The following DCAF10 variants were observed in gnomAD, a reference collection of about 807,000 sequenced individuals.
The protein encoded by DCAF10 is DDB1- and CUL4-associated factor 10.
Under a neutral mutation model 51.9 loss-of-function variants are expected in DCAF10, and 19 were observed. The observed-to-expected ratio is 0.37, with a 90% CI of 0.26 to 0.54. The LOEUF is 0.54. DCAF10 is among the 20% of genes least tolerant of loss of function. The pLI is 0.87. For synonymous variants in DCAF10, 291 were observed against 297.1 expected (o/e 0.98, Z 0.21); for missense variants, 510 against 730.6 (o/e 0.70, Z 3.48).
chr9:37,837,242 C>T (rs547508207), intron 2 of DCAF10, among the ~76,000 whole-genome samples: 9 of 152,076 alleles, frequency 5.9e-5, no homozygotes, highest in African/African-American at 4.8e-5. Flanking sequence ...AGGCGGATCA[C>T]GAGGTCAGGA....
intron 3 of DCAF10, among the ~76,000 whole-genome samples, chr9:37,850,870 A>ATG (rs1436996488): frequency 2.2e-4 from 18 of 83,574 alleles, no homozygotes; most frequent in South Asian, 7.8e-4. Context: ...ATATATATAT[A>ATG]TATATATATA....
intron 3 of DCAF10, among the ~76,000 whole-genome samples, chr9:37,848,756 T>C (rs1315492239): frequency 6.6e-6 from 1 of 151,922 alleles, no homozygotes; most frequent in African/African-American, 2.4e-5. Context: ...GTGGATCACC[T>C]GAGGTCAGGA....
chr9:37,812,434 A>G lies in DCAF10; in HGVS notation c.540-6854A>G, dbSNP rs184566102. Among the ~76,000 whole-genome samples the G allele has an allele frequency of 1.4e-3, 209 of 152,296 alleles. 2 individuals carry two copies. The highest frequency in any genetic ancestry group is 1.9e-4 in the Non-Finnish European group (13 of 68,014). On this transcript the variant is annotated intron_variant, in intron 1 of 6. Coordinates refer to ENST00000377724, the MANE Select transcript of DCAF10 (RefSeq NM_024345.5). ...CAAAGGAGGCTCAAAAAGAGAGCTA[A>G]GTTCACTGCAGAAACAATGGAAGTC...
chr9:37,848,741 G>T (rs58736462), intron 3 of DCAF10, among the ~76,000 whole-genome samples: 2,981 of 146,204 alleles, frequency 0.02, 97 homozygotes, highest in African/African-American at 0.073. Context: ...GGAGGCCGAG[G>T]GAGGGTGGAT....
In DCAF10 at chr9:37,854,988, C is replaced by T. The variant is rs1257549743; in HGVS notation, c.1054+6C>T. 3 of 1,589,716 alleles carry T rather than the reference C, an allele frequency of 1.9e-6. No individual in the cohort carries two copies. The highest frequency in any genetic ancestry group is 2.6e-6 in the Non-Finnish European group (3 of 1,172,424). ...AAGAACTACTTCAAGTTCAGGTAAG[C>T]TTTTCTTTTTTGGTCAAAAAGATTT... On this transcript the variant is annotated splice_donor_region_variant and intron_variant, in intron 4 of 6. Coordinates refer to ENST00000377724, the MANE Select transcript of DCAF10 (RefSeq NM_024345.5).
intron 1 of DCAF10, among the ~76,000 whole-genome samples, chr9:37,807,653 CTTTTCTTT>C (rs1035724145): frequency 8.9e-6 from 1 of 111,840 alleles, no homozygotes; most frequent in African/African-American, 3.2e-5. Context: ...ATTTTCTTTT[CTTTTCTTT>C]TTTTTTTTTT....
chr9:37,809,093 G>GAAAA (rs60046914), intron 1 of DCAF10, among the ~76,000 whole-genome samples: 1 of 97,922 alleles, frequency 1.0e-5, no homozygotes, highest in Non-Finnish European at 2.2e-5. Flanking sequence ...CTGTCTCAAA[G>GAAAA]AAAAAAAAAA....
intron 3 of DCAF10, among the ~76,000 whole-genome samples, chr9:37,853,245 G>T (rs1830741676): frequency 6.7e-6 from 1 of 150,314 alleles, no homozygotes; most frequent in African/African-American, 2.5e-5. Context: ...CGGGCATGGT[G>T]GTTCATGCCT....
chr9:37,806,187 C>G (rs1589072660), intron 1 of DCAF10, among the ~76,000 whole-genome samples: 1 of 152,232 alleles, frequency 6.6e-6, no homozygotes, highest in African/African-American at 2.4e-5. Context: ...TCAGCTGATA[C>G]TGGTTCAGCT....
intron 1 of DCAF10, among the ~76,000 whole-genome samples, chr9:37,818,345 T>C (rs1829606051): frequency 6.6e-6 from 1 of 152,172 alleles, no homozygotes; most frequent in Non-Finnish European, 1.5e-5. Flanking sequence ...CCTAAAAAGT[T>C]TGTTCTGAAT....
At chr9:37,853,026 TA>T (rs1290448442) in intron 3 of DCAF10, among the ~76,000 whole-genome samples, 37 of 148,064 alleles carry the variant, frequency 2.5e-4, no homozygotes, top group Non-Finnish European at 2.2e-4. Context: ...TGTACACCAT[TA>T]AAAAATTTTA....
intron 6 of DCAF10, chr9:37,860,548 A>G (rs1248170715): frequency 5.2e-6 from 1 of 193,218 alleles, no homozygotes; most frequent in Non-Finnish European, 1.1e-5. Context: ...CATAGGTCTG[A>G]AATGTTTCAG....
intron 3 of DCAF10, among the ~76,000 whole-genome samples, chr9:37,850,881 T>TATATAA (rs1554689977): frequency 2.1e-4 from 22 of 103,932 alleles, no homozygotes; most frequent in South Asian, 3.1e-4. Context: ...TATATATATA[T>TATATAA]AAATTAGCTT....
At position 37,834,822 on chromosome 9, in the gene DCAF10, C is replaced by T. The variant is rs1830107150; in HGVS notation, c.654-7267C>T. Among the ~76,000 whole-genome samples, 4 of 142,118 alleles carry T rather than the reference C, an allele frequency of 2.8e-5. No individual in the cohort carries two copies. In the South Asian group the frequency reaches 8.5e-4, roughly 30 times the overall value. The allele number at this position is 142,118 out of a possible 152,430, so 93.2% of individuals were successfully genotyped here. On this transcript the variant is annotated intron_variant, in intron 2 of 6. Coordinates refer to ENST00000377724, the MANE Select transcript of DCAF10 (RefSeq NM_024345.5). ...TTTTTTTTTGAGACAGGGTTTCACT[C>T]ATGTCGCCCAGGCTGGAGTGCAGTG...
chr9:37,818,220 T>C (rs1222013505), intron 1 of DCAF10, among the ~76,000 whole-genome samples: 1 of 152,138 alleles, frequency 6.6e-6, no homozygotes, highest in Non-Finnish European at 1.5e-5. Flanking sequence ...GGTCTCGAAC[T>C]CCTGACCTTG....
chr9:37,815,807 A>AT (rs963290323), intron 1 of DCAF10, among the ~76,000 whole-genome samples: 1 of 152,046 alleles, frequency 6.6e-6, no homozygotes, highest in Non-Finnish European at 1.5e-5. Flanking sequence ...AGCCAAAAAA[A>AT]TTTTTTTTGA....
At chr9:37,814,127 T>TTG (rs1554685263) in intron 1 of DCAF10, among the ~76,000 whole-genome samples, 9,750 of 100,500 alleles carry the variant, frequency 0.097, 882 homozygotes, top group Non-Finnish European at 0.13. Flanking sequence ...TATATATATA[T>TTG]TTGTTGTTGT....
chr9:37,842,064 G>A (rs556154057), intron 2 of DCAF10, 25 bp from the exon 3 acceptor site: 120 of 1,596,494 alleles, frequency 7.5e-5, no homozygotes, highest in Non-Finnish European at 1.0e-4. Context: ...AAATGAACCA[G>A]GGTTTTGTTT....
At chr9:37,812,037 G>A (rs1044796074) in intron 1 of DCAF10, among the ~76,000 whole-genome samples, 18 of 151,848 alleles carry the variant, frequency 1.2e-4, no homozygotes, top group Admixed American at 2.0e-4. Context: ...AAAATTAGCC[G>A]GGTGTGGTGG....
Sources: gnomAD v4.1 joint callset for allele counts (sites outside exome capture counted in the v4.1 genomes callset) on GRCh38, gnomAD v4.1.1 for gene constraint, MANE v1.5 for transcripts, NCBI Gene and HGNC (gene_info 2026-07-23, HGNC 2026-07-21) for gene names.